Variants in DLGAP1 observed in about 807,000 individuals in gnomAD.
DLGAP1 encodes disks large-associated protein 1.
Under a neutral mutation model 90.8 loss-of-function variants are expected in DLGAP1, and 11 were observed. The ratio of observed to expected loss-of-function variants is 0.12; its 90% confidence interval spans 0.08 to 0.20. DLGAP1 has a LOEUF of 0.20. Among genes scored for constraint, DLGAP1 ranks in the 10% least tolerant of loss-of-function variants. DLGAP1 has a pLI of 1.00. For missense variants in DLGAP1, 1,050 were observed against 1,333.8 expected, an observed-to-expected ratio of 0.79 and a Z score of 3.31; for synonymous variants, 558 against 540.7, an observed-to-expected ratio of 1.03 and a Z score of -0.44.
chr18:4,358,089 C>T (rs944877220), intron 1 of DLGAP1, among the ~76,000 whole-genome samples: 2 of 152,128 alleles, frequency 1.3e-5, no homozygotes, highest in Non-Finnish European at 1.5e-5. Context: ...AAAAGGCCTA[C>T]TGGAAGAAGT....
At chr18:3,508,764 T>A in intron 10 of DLGAP1, 103 bp from the exon 11 acceptor site, 1 of 861,268 alleles carries the variant, frequency 1.2e-6, no homozygotes, top group Non-Finnish European at 1.8e-6. Flanking sequence ...TTAGGGAAAA[T>A]GGCACACACA....
chr18:4,208,580 C>T (rs1338225137), intron 1 of DLGAP1, among the ~76,000 whole-genome samples: 1 of 152,128 alleles, frequency 6.6e-6, no homozygotes, highest in Admixed American at 6.5e-5. Flanking sequence ...TGGGAAGATG[C>T]TGACTGTAGT....
chr18:3,926,519 T>C (rs1043088756), intron 3 of DLGAP1, among the ~76,000 whole-genome samples: 8 of 152,000 alleles, frequency 5.3e-5, no homozygotes, highest in African/African-American at 1.4e-4. Context: ...TTTGACCATA[T>C]GCACATATAT....
chr18:3,546,244 G>A (rs1176872981), intron 9 of DLGAP1, among the ~76,000 whole-genome samples: 1 of 152,008 alleles, frequency 6.6e-6, no homozygotes, highest in Non-Finnish European at 1.5e-5. Flanking sequence ...GCAACATGGT[G>A]AAACGCCTTC....
chr18:3,756,664 T>C (rs11081071), intron 5 of DLGAP1, among the ~76,000 whole-genome samples: 27,949 of 151,794 alleles, frequency 0.18, 3,043 homozygotes, highest in East Asian at 0.54. Context: ...AACGAATTAG[T>C]TGTTTTTGAA....
intron 5 of DLGAP1, among the ~76,000 whole-genome samples, chr18:3,798,890 T>C (rs2066147533): frequency 6.6e-6 from 1 of 152,154 alleles, no homozygotes; most frequent in Non-Finnish European, 1.5e-5. Flanking sequence ...TCTTTCTCTT[T>C]TGAGATGGAG....
At chr18:3,778,405 C>T in intron 5 of DLGAP1, among the ~76,000 whole-genome samples, 1 of 151,890 alleles carries the variant, frequency 6.6e-6, no homozygotes, top group Non-Finnish European at 1.5e-5. Context: ...TGTACCATTG[C>T]ACTCCAGCCT....
chr18:3,942,611 T>A (rs980421123), intron 3 of DLGAP1, among the ~76,000 whole-genome samples: 2 of 152,120 alleles, frequency 1.3e-5, no homozygotes, highest in African/African-American at 4.8e-5. Flanking sequence ...CCAAATAGAA[T>A]GGAAAAAACT....
intron 5 of DLGAP1, among the ~76,000 whole-genome samples, chr18:3,751,752 A>T (rs1024454639): frequency 4.6e-5 from 7 of 151,540 alleles, no homozygotes; most frequent in African/African-American, 1.5e-4. Flanking sequence ...TTTAGTAGAG[A>T]CAGGGTTTCA....
chr18:3,847,554 G>A (rs1036175226), intron 4 of DLGAP1, among the ~76,000 whole-genome samples: 2 of 152,154 alleles, frequency 1.3e-5, no homozygotes, highest in African/African-American at 2.4e-5. Context: ...AGGAGAATAA[G>A]ATGAGGGGGA....
chr18:4,308,617 C>G lies in DLGAP1; in HGVS notation c.-267+146389G>C, dbSNP rs149421544. Among the ~76,000 whole-genome samples, 402 of 152,210 alleles carry G rather than the reference C, an allele frequency of 2.6e-3. 1 individual carries two copies. The highest frequency in any genetic ancestry group is 8.9e-3 in the African/African-American group (371 of 41,552). On this transcript the variant is annotated intron_variant, in intron 1 of 12. Transcript: ENST00000315677. ...TTCCATCAGATTAACAATAAAAACA[C>G]AAGGACTACCCCCAAACTTACCTGA...
chr18:3,723,804 G>A lies in DLGAP1; in HGVS notation c.1591+5331C>T, dbSNP rs143009494. On this transcript the variant is annotated intron_variant, in intron 7 of 12. Transcript: ENST00000315677. ...AATGGGGGAGGGTGTAAGGTAGGAA[G>A]ATGGAAGAATGTGTCTCAACTTAGA... Among the ~76,000 whole-genome samples the A allele has an allele frequency of 9.1e-4, 139 of 152,280 alleles. 1 individual carries two copies. In the Middle Eastern group the frequency reaches 0.014, roughly 15 times the overall value.
intron 2 of DLGAP1, among the ~76,000 whole-genome samples, chr18:4,018,324 G>A (rs1408948212): frequency 6.6e-6 from 1 of 152,224 alleles, no homozygotes; most frequent in East Asian, 1.9e-4. Context: ...AAGCAGTGGG[G>A]ATGAGTCTTT....
chr18:4,006,708 C>T (rs1445333685), intron 2 of DLGAP1, among the ~76,000 whole-genome samples: 4 of 151,100 alleles, frequency 2.6e-5, no homozygotes, highest in Admixed American at 1.3e-4. Flanking sequence ...TGCAGTGGCA[C>T]GATCACAGCT....
chr18:3,892,306 A>G (rs1014568249), intron 3 of DLGAP1, among the ~76,000 whole-genome samples: 5 of 152,042 alleles, frequency 3.3e-5, no homozygotes, highest in African/African-American at 2.4e-5. Context: ...TCAAGGTGGG[A>G]GGCTCCCTGA....
chr18:4,286,479 A>T (rs1363143999), intron 1 of DLGAP1, among the ~76,000 whole-genome samples: 1 of 152,086 alleles, frequency 6.6e-6, no homozygotes, highest in Non-Finnish European at 1.5e-5. Context: ...GTCTGGGAGG[A>T]AGCCACCCCC....
intron 1 of DLGAP1, among the ~76,000 whole-genome samples, chr18:4,310,725 A>G (rs12959123): frequency 0.24 from 35,770 of 152,108 alleles, 4,305 homozygotes; most frequent in Middle Eastern, 0.27. Context: ...AGAGCACAAG[A>G]TACTTATCTA....
chr18:4,356,123 C>T (rs2081508942), intron 1 of DLGAP1, among the ~76,000 whole-genome samples: 1 of 151,970 alleles, frequency 6.6e-6, no homozygotes, highest in African/African-American at 2.4e-5. Flanking sequence ...CAGTTGGACT[C>T]TGTCTTCAGG....
chr18:4,428,392 G>A (rs72866361), intron 1 of DLGAP1, among the ~76,000 whole-genome samples: 15 of 152,180 alleles, frequency 9.9e-5, no homozygotes, highest in South Asian at 2.1e-4. Flanking sequence ...ACCAGCTATG[G>A]CCTACACGGC....
Sources: allele counts gnomAD v4.1 joint callset (sites outside exome capture counted in the v4.1 genomes callset), GRCh38; gene constraint gnomAD v4.1.1; transcripts MANE v1.5; gene names NCBI Gene and HGNC (gene_info 2026-07-23, HGNC 2026-07-21).